Variants in KIAA0825 observed in about 807,000 individuals in gnomAD.
KIAA0825 encodes the protein uncharacterized protein KIAA0825.
Under a neutral mutation model 147.6 loss-of-function variants are expected in KIAA0825, and 119 were observed. The ratio of observed to expected loss-of-function variants is 0.81; its 90% CI spans 0.69 to 0.94. The LOEUF is 0.94. KIAA0825 is among the 40% of genes least tolerant of loss of function. The pLI is 0.00. For missense variants in KIAA0825, 1,381 were observed against 1,472.7 expected (o/e 0.94, Z 1.02); for synonymous variants, 470 against 518.1 (o/e 0.91, Z 1.26).
intron 20 of KIAA0825, among the ~76,000 whole-genome samples, chr5:94,221,442 C>A (rs1309572498): frequency 2.0e-5 from 3 of 152,286 alleles, no homozygotes; most frequent in African/African-American, 7.2e-5. Context: ...TGCACCCAGA[C>A]CCTCCTTCAG....
chr5:94,388,058 A>G (rs528680096), intron 18 of KIAA0825, among the ~76,000 whole-genome samples: 8 of 152,268 alleles, frequency 5.3e-5, no homozygotes, highest in Non-Finnish European at 8.8e-5. Context: ...CCTGGAAGAC[A>G]ATTTTTCCAT....
At chr5:94,176,914 C>T (rs1471655088) in intron 20 of KIAA0825, among the ~76,000 whole-genome samples, 1 of 152,020 alleles carries the variant, frequency 6.6e-6, no homozygotes, top group Non-Finnish European at 1.5e-5. Context: ...CAGGTTAGTT[C>T]TCTCAGTAAG....
rs1167284791 is a variant in KIAA0825, at chr5:94,384,370, G to GTTTTT, written c.3703_3707dup (p.Asn1236LysfsTer7). 6.4e-7 allele frequency: 1 copy of GTTTTT among 1,551,660 alleles called. No homozygotes were observed. The highest frequency in any genetic ancestry group is 8.7e-7 in the Non-Finnish European group (1 of 1,146,830). On this transcript the variant is annotated frameshift_variant, in exon 20 of 21. Transcript: ENST00000682413. LOFTEE classifies it high-confidence loss of function. ...CCCAAGGTCCCCAATTTTATTACCT[G>GTTTTT]TTTTTGAGCAGCACACTGAAGGTCA...
chr5:94,391,431 C>A (rs1333906824), intron 18 of KIAA0825, 104 bp downstream of exon 18: 1 of 1,111,054 alleles, frequency 9.0e-7, no homozygotes, highest in Non-Finnish European at 1.3e-6. Context: ...TTGGTATTGA[C>A]TTTAAGAAGT....
At chr5:94,239,683 C>A (rs1486478836) in intron 20 of KIAA0825, among the ~76,000 whole-genome samples, 2 of 152,162 alleles carry the variant, frequency 1.3e-5, no homozygotes, top group Admixed American at 1.3e-4. Flanking sequence ...CAAGGCATAT[C>A]AATATGAAAC....
At chr5:94,280,134 CTG>C (rs995824596) in intron 20 of KIAA0825, among the ~76,000 whole-genome samples, 16 of 152,024 alleles carry the variant, frequency 1.1e-4, no homozygotes, top group African/African-American at 3.6e-4. Flanking sequence ...AAGAATAAAA[CTG>C]GAGTTCGGAA....
chr5:94,351,132 A>G (rs1482156180), intron 20 of KIAA0825, among the ~76,000 whole-genome samples: 1 of 152,134 alleles, frequency 6.6e-6, no homozygotes, highest in East Asian at 1.9e-4. Context: ...TCAAACAGTC[A>G]CATCAGTTTG....
chr5:94,359,485 A>G (rs1398334636), intron 20 of KIAA0825, among the ~76,000 whole-genome samples: 1 of 152,238 alleles, frequency 6.6e-6, no homozygotes, highest in Non-Finnish European at 1.5e-5. Context: ...GGCCATGTGC[A>G]GTGGCTCACG....
intron 20 of KIAA0825, among the ~76,000 whole-genome samples, chr5:94,271,386 G>C (rs1263323729): frequency 6.6e-6 from 1 of 152,062 alleles, no homozygotes; most frequent in African/African-American, 2.4e-5. Context: ...GGATTAACCA[G>C]AATATATAAG....
chr5:94,315,779 T>C (rs1310429311), intron 20 of KIAA0825, among the ~76,000 whole-genome samples: 1 of 151,724 alleles, frequency 6.6e-6, no homozygotes, highest in African/African-American at 2.4e-5. Flanking sequence ...GCTTCAAGGA[T>C]CTGCCATAAT....
rs189783050 is a variant in KIAA0825 at position 94,223,384 on chromosome 5, A to G, written c.3711-69260T>C. 1.4e-4 allele frequency among the ~76,000 whole-genome samples: 22 copies of G among 152,262 alleles called. No individual in the cohort carries two copies. In the East Asian group the frequency reaches 3.9e-3, roughly 27 times the overall value. ...TCTGGGCTCCCTTTAGCCCAAAAGT[A>G]TACCTCACGTAGACTATATACCTTT... On this transcript the variant is annotated intron_variant, in intron 20 of 20. Coordinates refer to ENST00000682413, the MANE Select transcript of KIAA0825 (RefSeq NM_001145678.3).
At chr5:94,614,544 A>C (rs1789864129) in intron 1 of KIAA0825, among the ~76,000 whole-genome samples, 1 of 152,140 alleles carries the variant, frequency 6.6e-6, no homozygotes, top group African/African-American at 2.4e-5. Flanking sequence ...TCCATCTTAC[A>C]TAGCCAAAGT....
At chr5:94,463,299 T>C (rs1760066116) in intron 11 of KIAA0825, among the ~76,000 whole-genome samples, 1 of 150,994 alleles carries the variant, frequency 6.6e-6, no homozygotes, top group Non-Finnish European at 1.5e-5. Flanking sequence ...GTTGAAGAAA[T>C]AGAAAATGAA....
intron 1 of KIAA0825, among the ~76,000 whole-genome samples, chr5:94,607,383 G>A (rs1412164964): frequency 6.6e-6 from 1 of 152,130 alleles, no homozygotes; most frequent in African/African-American, 2.4e-5. Context: ...AACATTTTGG[G>A]AGGCTGAGGT....
intron 20 of KIAA0825, among the ~76,000 whole-genome samples, chr5:94,366,223 G>A (rs1745831413): frequency 6.6e-6 from 1 of 152,146 alleles, no homozygotes; most frequent in Non-Finnish European, 1.5e-5. Flanking sequence ...TTTCTCTATT[G>A]CAATTCCCCT....
At chr5:94,233,949 T>C (rs1583930100) in intron 20 of KIAA0825, among the ~76,000 whole-genome samples, 1 of 152,244 alleles carries the variant, frequency 6.6e-6, no homozygotes, top group African/African-American at 2.4e-5. Context: ...TGAAGGTTTG[T>C]GGCAACCTTG....
At chr5:94,303,598 G>A (rs984971965) in intron 20 of KIAA0825, among the ~76,000 whole-genome samples, 6 of 152,070 alleles carry the variant, frequency 3.9e-5, no homozygotes, top group Admixed American at 3.3e-4. Flanking sequence ...TCTGTATAAA[G>A]AAGAATTGGG....
intron 20 of KIAA0825, among the ~76,000 whole-genome samples, chr5:94,327,617 GT>G (rs1213976429): frequency 3.3e-5 from 5 of 152,168 alleles, no homozygotes; most frequent in Non-Finnish European, 7.3e-5. Context: ...TACTGTGTTG[GT>G]TCCCTGTTTT....
intron 5 of KIAA0825, among the ~76,000 whole-genome samples, chr5:94,489,383 T>C (rs1319959652): frequency 2.0e-5 from 3 of 152,102 alleles, no homozygotes; most frequent in Admixed American, 6.5e-5. Flanking sequence ...CCCAGAAATA[T>C]TACTTTTCAG....
Sources: gnomAD v4.1 joint callset for allele counts (sites outside exome capture counted in the v4.1 genomes callset) on GRCh38, gnomAD v4.1.1 for gene constraint, MANE v1.5 for transcripts, NCBI Gene and HGNC (gene_info 2026-07-23, HGNC 2026-07-21) for gene names.